The following ITGB8 variants were observed in gnomAD, a reference collection of about 807,000 sequenced individuals.
ITGB8 encodes integrin subunit beta 8, also known as integrin beta-8.
In ITGB8, 30 loss-of-function variants were observed where a neutral mutation model predicts 89.5. The observed-to-expected ratio is 0.34, with a 90% CI of 0.25 to 0.45. The LOEUF is 0.45. ITGB8 is among the 20% of genes least tolerant of loss of function. The pLI is 1.00. For synonymous variants in ITGB8, 335 were observed against 320.4 expected (o/e 1.05, Z -0.49); for missense variants, 836 against 933.3 (o/e 0.90, Z 1.36).
intron 1 of ITGB8, among the ~76,000 whole-genome samples, chr7:20,359,699 G>A (rs1785428610): frequency 6.6e-6 from 1 of 152,088 alleles, no homozygotes; most frequent in Non-Finnish European, 1.5e-5. Flanking sequence ...GTGGGAGAGA[G>A]AGAAGAAATT....
chr7:20,341,625 AG>A (rs1784757658), intron 1 of ITGB8, among the ~76,000 whole-genome samples: 1 of 152,208 alleles, frequency 6.6e-6, no homozygotes, highest in African/African-American at 2.4e-5. Flanking sequence ...GGAGAAGGGA[AG>A]GGGGCTCTTG....
At chr7:20,363,771 C>A in intron 2 of ITGB8, 49 bp downstream of exon 2, 1 of 1,122,712 alleles carries the variant, frequency 8.9e-7, no homozygotes, top group Non-Finnish European at 1.3e-6. Flanking sequence ...TGAGCTATAG[C>A]ATGACTTCAT....
chr7:20,395,608 C>T (rs1177980783), intron 8 of ITGB8, among the ~76,000 whole-genome samples: 1 of 152,172 alleles, frequency 6.6e-6, no homozygotes, highest in Non-Finnish European at 1.5e-5. Context: ...TTCTTTCAAC[C>T]TGCGTCATTC....
In ITGB8 at chr7:20,402,091, T is replaced by A; in HGVS notation, c.1652T>A (p.Phe551Tyr). The A allele has an allele frequency of 6.2e-7, 1 of 1,613,772 alleles. No homozygotes were observed. The highest frequency in any genetic ancestry group is 8.5e-7 in the Non-Finnish European group (1 of 1,179,804). ...VYGKYCEKDD[F>Y]SCPYHHGNLC... ...GGAAAATACTGTGAAAAGGATGACTTTTCTTGTCCATATCACCATGGAAAT... is the reference window on the plus strand; with the variant it reads ...GGAAAATACTGTGAAAAGGATGACTATTCTTGTCCATATCACCATGGAAAT... Residue 551 changes from phenylalanine to tyrosine, a missense_variant, in exon 10 of 14, where the codon TTT becomes TAT. By Grantham distance (22) the Phe-to-Tyr change is conservative. Around this residue, in one of 5 missense-constraint regions of ITGB8, gnomAD observed 422 missense variants for 416.9 expected, o/e 1.01. Transcript: ENST00000222573.
chr7:20,361,420 T>TG (rs1420550852), intron 1 of ITGB8, among the ~76,000 whole-genome samples: 1 of 152,202 alleles, frequency 6.6e-6, no homozygotes, highest in Non-Finnish European at 1.5e-5. Flanking sequence ...CTCTGGAGGC[T>TG]GGGGAGTCCA....
At chr7:20,381,493 TCCAGTG>T in intron 5 of ITGB8, 1 of 403,628 alleles carries the variant, frequency 2.5e-6, no homozygotes, top group Non-Finnish European at 4.4e-6. Flanking sequence ...TTGTTCTTCC[TCCAGTG>T]GAACACTAGA....
chr7:20,336,364 C>T lies in ITGB8; in HGVS notation c.127+4431C>T, dbSNP rs146673853. Among the ~76,000 whole-genome samples the T allele has an allele frequency of 4.4e-3, 671 of 152,320 alleles. 4 individuals carry two copies. The highest frequency in any genetic ancestry group is 0.015 in the African/African-American group (625 of 41,564). On this transcript the variant is annotated intron_variant, in intron 1 of 13. Transcript: ENST00000222573. ...CACCTCCAGAATATTTATCTCTAAA[C>T]CTGACCTCCAGAAGGTGCAGCAAAT...
intron 12 of ITGB8, among the ~76,000 whole-genome samples, chr7:20,406,489 G>A (rs1002276674): frequency 6.6e-6 from 1 of 151,548 alleles, no homozygotes; most frequent in African/African-American, 2.4e-5. Flanking sequence ...GGCGGAGGTT[G>A]CAATGAGCTG....
At chr7:20,363,267 T>G (rs1785571667) in intron 1 of ITGB8, among the ~76,000 whole-genome samples, 1 of 152,202 alleles carries the variant, frequency 6.6e-6, no homozygotes, top group Non-Finnish European at 1.5e-5. Flanking sequence ...AAGCACCTAT[T>G]TGTTTCAGAG....
chr7:20,411,804 G>A lies in ITGB8; in HGVS notation c.*1807G>A, dbSNP rs7782524. On this transcript the variant is annotated 3_prime_UTR_variant, in exon 14 of 14. Transcript: ENST00000222573. ...GGCATACCTACAGGGGAATTCCTTC[G>A]CACCATAGCCTGTATGAACAGTGTT... 104,310 of 152,066 alleles carry A rather than the reference G, an allele frequency of 0.69. 36,356 individuals are homozygous for A. The highest frequency in any genetic ancestry group is 0.99 in the East Asian group (5,101 of 5,168). The allele number at this position is 152,066 out of a possible 1,614,324, so 9.4% of individuals were successfully genotyped here.
chr7:20,337,827 G>A (rs948358585), intron 1 of ITGB8, among the ~76,000 whole-genome samples: 2 of 152,186 alleles, frequency 1.3e-5, no homozygotes, highest in Non-Finnish European at 2.9e-5. Context: ...CTCAAGTAAA[G>A]TCTGTCACCC....
intron 4 of ITGB8, chr7:20,379,673 G>A (rs1786296322): frequency 6.6e-6 from 1 of 152,666 alleles, no homozygotes; most frequent in Non-Finnish European, 1.5e-5. Context: ...GCTGAATTAT[G>A]ATTTGACACA....
At chr7:20,336,497 C>A (rs899966772) in intron 1 of ITGB8, among the ~76,000 whole-genome samples, 2 of 152,174 alleles carry the variant, frequency 1.3e-5, no homozygotes, top group African/African-American at 2.4e-5. Flanking sequence ...TGAGAGAGGT[C>A]CCTGTTTTTG....
At chr7:20,364,091 G>C (rs1463809807) in intron 2 of ITGB8, among the ~76,000 whole-genome samples, 2 of 152,176 alleles carry the variant, frequency 1.3e-5, no homozygotes, top group South Asian at 2.1e-4. Flanking sequence ...TTCAAAATAA[G>C]TGTTTTTCTG....
At chr7:20,364,520 C>T (rs1785620216) in intron 2 of ITGB8, 1 of 152,140 alleles carries the variant, frequency 6.6e-6, no homozygotes, top group Non-Finnish European at 1.5e-5. Context: ...TTCTAGGAAG[C>T]AAGTCAGAAT....
chr7:20,395,541 G>C lies in ITGB8; in HGVS notation c.1146+556G>C, dbSNP rs915101363. 3.9e-5 allele frequency among the ~76,000 whole-genome samples: 6 copies of C among 152,204 alleles called. No homozygotes were observed. In the East Asian group the frequency reaches 1.2e-3, roughly 29 times the overall value. On this transcript the variant is annotated intron_variant, in intron 8 of 13. Coordinates refer to ENST00000222573, the MANE Select transcript of ITGB8 (RefSeq NM_002214.3). Reference sequence around the variant, plus strand: ...TTTCTTGAGTTGATGGTTGTATGCTGTCATCAGTCCTATGAAGAGTGAATG... The same window carrying C: ...TTTCTTGAGTTGATGGTTGTATGCTCTCATCAGTCCTATGAAGAGTGAATG...
At chr7:20,355,703 A>G (rs1785270067) in intron 1 of ITGB8, among the ~76,000 whole-genome samples, 1 of 152,222 alleles carries the variant, frequency 6.6e-6, no homozygotes, top group Admixed American at 6.5e-5. Flanking sequence ...CTTGTTTGCT[A>G]CAAGTTTGAA....
At chr7:20,368,577 T>C (rs909303636) in intron 3 of ITGB8, among the ~76,000 whole-genome samples, 1 of 152,180 alleles carries the variant, frequency 6.6e-6, no homozygotes, top group African/African-American at 2.4e-5. Flanking sequence ...ATTTTTCTAA[T>C]TGAATGCCAA....
chr7:20,343,903 T>C (rs948613398), intron 1 of ITGB8, among the ~76,000 whole-genome samples: 5 of 152,362 alleles, frequency 3.3e-5, no homozygotes, highest in Middle Eastern at 3.4e-3. Flanking sequence ...ACACTTTCCT[T>C]GCTTGGTGAG....
Sources: allele counts gnomAD v4.1 joint callset (sites outside exome capture counted in the v4.1 genomes callset), GRCh38; gene constraint gnomAD v4.1.1; regional missense constraint gnomAD v4.1.1; transcripts MANE v1.5; gene names NCBI Gene and HGNC (gene_info 2026-07-23, HGNC 2026-07-21).